Variants in AHDC1 observed in about 807,000 individuals in gnomAD.
AHDC1 encodes the protein transcription factor Gibbin.
In AHDC1, 7 loss-of-function variants were observed where a neutral mutation model predicts 87.9. The observed-to-expected ratio is 0.08, with a 90% CI of 0.05 to 0.15. The LOEUF (loss-of-function observed/expected upper bound fraction) is 0.15. Among genes scored for constraint, AHDC1 ranks in the 10% least tolerant of loss-of-function variants. The probability of loss-of-function intolerance (pLI) is 1.00; values close to 1 mark genes in which losing one functional copy is unlikely to be tolerated. For missense variants in AHDC1, 1,841 were observed against 2,253.2 expected (o/e 0.82, Z 3.70); for synonymous variants, 1,051 against 1,006.8 (o/e 1.04, Z -0.83).
chr1:27,541,001 T>TAAAAAAAAAAA lies in AHDC1; in HGVS notation c.*44-6096_*44-6086dup, dbSNP rs55912405. 5.0e-3 allele frequency among the ~76,000 whole-genome samples: 361 copies of TAAAAAAAAAAA among 72,098 alleles called. 1 individual carries two copies. Among genetic ancestry groups the TAAAAAAAAAAA allele is most frequent in the East Asian group, 6.4e-3 (13 of 2,034 alleles). The allele number at this position is 72,098 out of a possible 152,430, so 47.3% of individuals were successfully genotyped here. The stretch of plus-strand genomic sequence containing the variant: ...CCAGACACTGTGCATCTAAAAATGC[T>TAAAAAAAAAAA]AAAAAAAAAAAAAAAAAAAAAAAAA... On this transcript the variant is annotated intron_variant, in intron 8 of 8. Coordinates refer to ENST00000673934, the MANE Select transcript of AHDC1 (RefSeq NM_001371928.1).
chr1:27,599,842 T>C (rs1395474990), intron 3 of AHDC1, among the ~76,000 whole-genome samples: 1 of 151,968 alleles, frequency 6.6e-6, no homozygotes, highest in Non-Finnish European at 1.5e-5. Context: ...CTGAAACATT[T>C]GTTGAAAACC....
rs771242292 is a variant in AHDC1 at position 27,550,889 on chromosome 1, G to A, written c.1227C>T (p.Pro409=). 1.0e-5 allele frequency: 16 copies of A among 1,588,586 alleles called. No homozygotes were observed. The highest frequency in any genetic ancestry group is 2.3e-5 in the East Asian group (1 of 43,954). The change falls in exon 8 of 9, where the codon CCC becomes CCT. Residue 409 remains proline (P), a synonymous_variant. Coordinates refer to ENST00000673934, the MANE Select transcript of AHDC1 (RefSeq NM_001371928.1). ...AGRGRKADAG[P]EGRLLPLPMP... is the part of the protein sequence containing the mutation. ...TAGGCAGGGGCAGTAGGCGGCCCTC[G>A]GGTCCGGCGTCTGCCTTGCGTCCCC...
chr1:27,536,445 C>T (rs528433673), intron 8 of AHDC1, among the ~76,000 whole-genome samples: 79 of 152,224 alleles, frequency 5.2e-4, no homozygotes, highest in African/African-American at 1.8e-3. Context: ...GCCGTAGGGG[C>T]GAGCGGTGTG....
At chr1:27,540,919 G>A (rs1255854471) in intron 8 of AHDC1, among the ~76,000 whole-genome samples, 1 of 149,158 alleles carries the variant, frequency 6.7e-6, no homozygotes, top group Non-Finnish European at 1.5e-5. Context: ...GTAGAGCAAT[G>A]GAGTCACAGG....
At chr1:27,577,000 A>C (rs2088773630) in intron 3 of AHDC1, among the ~76,000 whole-genome samples, 1 of 152,114 alleles carries the variant, frequency 6.6e-6, no homozygotes. Context: ...GAACACAGAG[A>C]CCAGTACCCT....
chr1:27,597,121 C>A (rs2089396992), intron 3 of AHDC1, among the ~76,000 whole-genome samples: 1 of 152,204 alleles, frequency 6.6e-6, no homozygotes, highest in Non-Finnish European at 1.5e-5. Context: ...GCCTCCCCAC[C>A]TTGCCAGCCG....
Position 27,551,504 on chromosome 1 carries a change from A to C in AHDC1, c.612T>G (p.Pro204=). The C allele has an allele frequency of 6.2e-7, 1 of 1,603,204 alleles. No individual in the cohort carries two copies. The highest frequency in any genetic ancestry group is 1.1e-5 in the South Asian group (1 of 90,348). The change falls in exon 8 of 9, where the codon CCT becomes CCG. Residue 204 remains proline, a synonymous_variant. Transcript: ENST00000673934. ...SHPLYEPEPE[P]RDSPQPGQGH... ...CTTGGCCAGGCTGGGGACTGTCCCT[A>C]GGCTCAGGCTCAGGCTCGTAGAGGG... is the stretch of plus-strand genomic sequence containing the variant.
chr1:27,543,817 C>A (rs988195726), intron 8 of AHDC1, among the ~76,000 whole-genome samples: 1 of 152,100 alleles, frequency 6.6e-6, no homozygotes, highest in Non-Finnish European at 1.5e-5. Context: ...CAGTGGTGCG[C>A]CCCTGTAATC....
At chr1:27,575,528 C>T (rs545982954) in intron 3 of AHDC1, among the ~76,000 whole-genome samples, 2 of 152,128 alleles carry the variant, frequency 1.3e-5, no homozygotes, top group South Asian at 4.1e-4. Context: ...CCTGCCCGAG[C>T]TGCGCGCTTA....
chr1:27,598,668 G>T lies in AHDC1; in HGVS notation c.-629+4729C>A, dbSNP rs950597116. ...CCATCTACCCATAGGGACGTGGGGG[G>T]ATCACACCAGTGTCACCCCCACAAC... On this transcript the variant is annotated intron_variant, in intron 3 of 8. Transcript: ENST00000673934. This position sits in a 1 kb window ranked among gnomAD's most constrained non-coding sequence, Gnocchi z 4.2. 1.3e-5 allele frequency among the ~76,000 whole-genome samples: 2 copies of T among 152,282 alleles called. No homozygotes were observed. Among genetic ancestry groups the T allele is most frequent in the East Asian group, 1.9e-4 (1 of 5,184 alleles).
Position 27,551,024 on chromosome 1 carries a change from G to A in AHDC1, c.1092C>T (p.Arg364=). 6.4e-7 allele frequency: 1 copy of A among 1,561,580 alleles called. No homozygotes were observed. Among genetic ancestry groups the A allele is most frequent in the Non-Finnish European group, 8.6e-7 (1 of 1,158,726 alleles). ...LGHCPLAEPL[R]LDLCSPHGPP... ...GGCCGTGCGGTGAGCACAAGTCCAG[G>A]CGCAAGGGCTCGGCCAGTGGGCAGT... Residue 364 remains arginine (R), a synonymous_variant, in exon 8 of 9, where the codon CGC becomes CGT. Transcript: ENST00000673934.
In AHDC1 at chr1:27,593,093, G is replaced by A. The variant is rs1423206022; in HGVS notation, c.-629+10304C>T. Among the ~76,000 whole-genome samples the A allele has an allele frequency of 1.3e-5, 2 of 151,992 alleles. No homozygotes were observed. The highest frequency in any genetic ancestry group is 2.9e-5 in the Non-Finnish European group (2 of 67,970). On this transcript the variant is annotated intron_variant, in intron 3 of 8. Transcript: ENST00000673934. This position sits in a 1 kb window ranked among gnomAD's most constrained non-coding sequence, Gnocchi z 4.9. ...ACAGCTGCGGTGCTGCCCCTCCAGG[G>A]GACACAGGCCTCGGTGGAACGGAGT...
intron 5 of AHDC1, among the ~76,000 whole-genome samples, chr1:27,556,712 T>C (rs1450326233): frequency 6.6e-6 from 1 of 152,170 alleles, no homozygotes; most frequent in East Asian, 1.9e-4. Flanking sequence ...ATTAAGCTGG[T>C]GTCTGAATTT....
chr1:27,535,810 C>T (rs1006887039), intron 8 of AHDC1, among the ~76,000 whole-genome samples: 1 of 152,114 alleles, frequency 6.6e-6, no homozygotes, highest in Non-Finnish European at 1.5e-5. Context: ...ATTATGCTTG[C>T]GGGGCCCTGG....
chr1:27,585,253 C>CAAA (rs35143338), intron 3 of AHDC1, among the ~76,000 whole-genome samples: 25 of 66,082 alleles, frequency 3.8e-4, no homozygotes, highest in East Asian at 1.0e-3. Flanking sequence ...GACCCTGTCT[C>CAAA]AAAAAAAAAA....
intron 3 of AHDC1, among the ~76,000 whole-genome samples, chr1:27,599,797 T>TCTGTTC (rs2089481694): frequency 6.6e-6 from 1 of 152,086 alleles, no homozygotes; most frequent in Admixed American, 6.5e-5. Flanking sequence ...TTCCAGGCAT[T>TCTGTTC]TGGGGAGGGC....
intron 3 of AHDC1, among the ~76,000 whole-genome samples, chr1:27,566,180 G>T (rs2020306045): frequency 6.6e-6 from 1 of 152,170 alleles, no homozygotes. Context: ...AGAAAGACAG[G>T]GGGCGGGAGA....
At chr1:27,600,161 T>C (rs2089490891) in intron 3 of AHDC1, among the ~76,000 whole-genome samples, 1 of 151,612 alleles carries the variant, frequency 6.6e-6, no homozygotes, top group African/African-American at 2.4e-5. Flanking sequence ...ACCATGCATG[T>C]GGTTGTGGGT....
At chr1:27,591,050 C>T (rs1041362115) in intron 3 of AHDC1, among the ~76,000 whole-genome samples, 29 of 152,234 alleles carry the variant, frequency 1.9e-4, no homozygotes, top group Admixed American at 1.6e-3. Flanking sequence ...CCCTCCAGGG[C>T]CATGCTGTGG....
Sources: gnomAD v4.1 joint callset for allele counts (sites outside exome capture counted in the v4.1 genomes callset) on GRCh38, gnomAD v4.1.1 for gene constraint, Gnocchi (gnomAD v3.1) non-coding constraint, MANE v1.5 for transcripts, NCBI Gene and HGNC (gene_info 2026-07-23, HGNC 2026-07-21) for gene names.